Variants in HMGCLL1 observed in about 807,000 individuals in gnomAD.
HMGCLL1 encodes the protein 3-hydroxy-3-methylglutaryl-CoA lyase like 1, also known as 3-hydroxymethyl-3-methylglutaryl-CoA lyase, cytoplasmic.
In HMGCLL1, 36 loss-of-function variants were observed where a neutral mutation model predicts 39.1. The ratio of observed to expected loss-of-function variants is 0.92; its 90% confidence interval spans 0.71 to 1.22. The LOEUF is 1.22. Ranked by LOEUF, HMGCLL1 falls within the 50% of genes most tolerant of loss-of-function variation. The pLI is 0.00. For synonymous variants in HMGCLL1, 149 were observed against 144.0 expected (o/e 1.03, Z -0.25); for missense variants, 451 against 416.5 (o/e 1.08, Z -0.72).
chr6:55,507,006 G>A (rs1351647566), intron 5 of HMGCLL1, among the ~76,000 whole-genome samples: 2 of 151,752 alleles, frequency 1.3e-5, no homozygotes, highest in South Asian at 4.2e-4. Flanking sequence ...TAGTTAAGAT[G>A]GGAAAGACAT....
At chr6:55,465,153 T>C (rs977812330) in intron 7 of HMGCLL1, among the ~76,000 whole-genome samples, 1 of 152,184 alleles carries the variant, frequency 6.6e-6, no homozygotes, top group Non-Finnish European at 1.5e-5. Flanking sequence ...TTTAAACACA[T>C]ACCTGGTTTC....
the HMGCLL1 span, among the ~76,000 whole-genome samples, chr6:55,657,089 C>T: frequency 6.8e-3 from 1,030 of 151,948 alleles, 12 homozygotes; most frequent in African/African-American, 0.024. Flanking sequence ...CTTACAGATG[C>T]TGGATATTAT....
At chr6:55,629,006 G>A in the HMGCLL1 span, among the ~76,000 whole-genome samples, 1 of 152,166 alleles carries the variant, frequency 6.6e-6, no homozygotes, top group South Asian at 2.1e-4. Flanking sequence ...ACAGTAAATT[G>A]GTATCAGTAT....
upstream of HMGCLL1, among the ~76,000 whole-genome samples, chr6:55,583,740 T>C (rs540892245): frequency 6.6e-6 from 1 of 152,284 alleles, no homozygotes; most frequent in South Asian, 2.1e-4. Flanking sequence ...TCATGGGTTA[T>C]TGAAATATTC....
At chr6:55,485,862 C>T (rs1221593604) in intron 7 of HMGCLL1, among the ~76,000 whole-genome samples, 2 of 151,676 alleles carry the variant, frequency 1.3e-5, no homozygotes, top group African/African-American at 2.4e-5. Flanking sequence ...AATAGCCTCT[C>T]TAAAAACCCT....
intron 7 of HMGCLL1, among the ~76,000 whole-genome samples, chr6:55,477,466 T>C (rs1471121917): frequency 2.8e-5 from 2 of 70,254 alleles, no homozygotes; most frequent in African/African-American, 1.0e-4. Flanking sequence ...ACATATAATA[T>C]ATAATATATA....
the HMGCLL1 span, among the ~76,000 whole-genome samples, chr6:55,596,624 G>T: frequency 2.0e-5 from 3 of 152,160 alleles, no homozygotes; most frequent in Admixed American, 6.5e-5. Flanking sequence ...ATATGGAAGT[G>T]GTTAGATAAT....
chr6:55,595,690 T>C, the HMGCLL1 span, among the ~76,000 whole-genome samples: 1 of 152,110 alleles, frequency 6.6e-6, no homozygotes, highest in Non-Finnish European at 1.5e-5. Flanking sequence ...ACTAAGAACC[T>C]ATGAAGAAAA....
At chr6:55,633,936 A>T in the HMGCLL1 span, among the ~76,000 whole-genome samples, 3 of 152,122 alleles carry the variant, frequency 2.0e-5, no homozygotes, top group South Asian at 2.1e-4. Flanking sequence ...ATAAATTTGC[A>T]AATATAAACG....
intron 1 of HMGCLL1, among the ~76,000 whole-genome samples, chr6:55,543,580 A>G (rs1487200019): frequency 1.0e-5 from 1 of 99,492 alleles, no homozygotes; most frequent in Non-Finnish European, 2.0e-5. Context: ...ATATATTTAT[A>G]TATTTATATA....
rs1385021727 is a variant in HMGCLL1, at chr6:55,543,335, CAT to C, written c.109-1197_109-1196del. ...ATAATATATAATATATATTATATAT[CAT>C]ATATGATATATAATATGATATATTA... On this transcript the variant is annotated intron_variant, in intron 1 of 8. Transcript: ENST00000274901. Among the ~76,000 whole-genome samples, 7 of 6,258 alleles carry C rather than the reference CAT, an allele frequency of 1.1e-3. 2 individuals carry two copies. Among genetic ancestry groups the C allele is most frequent in the African/African-American group, 2.9e-3 (6 of 2,096 alleles). The allele number at this position is 6,258 out of a possible 152,430, so 4.1% of individuals were successfully genotyped here.
At chr6:55,537,495 T>C (rs1428694227) in intron 3 of HMGCLL1, among the ~76,000 whole-genome samples, 1 of 152,182 alleles carries the variant, frequency 6.6e-6, no homozygotes, top group Non-Finnish European at 1.5e-5. Context: ...GAATAAAGGC[T>C]AGTTATCAGA....
intron 5 of HMGCLL1, chr6:55,512,816 C>T (rs1561927858): frequency 1.3e-5 from 2 of 152,060 alleles, no homozygotes. Context: ...CCAAATCCAT[C>T]CCCAGCTTTC....
the HMGCLL1 span, among the ~76,000 whole-genome samples, chr6:55,670,153 G>A: frequency 4.0e-5 from 6 of 151,786 alleles, no homozygotes; most frequent in South Asian, 8.3e-4. Flanking sequence ...AATGACTATG[G>A]AGTTCTTATT....
chr6:55,527,832 A>C (rs1768405303), intron 3 of HMGCLL1, among the ~76,000 whole-genome samples: 1 of 152,068 alleles, frequency 6.6e-6, no homozygotes. Context: ...AAATATCAAC[A>C]AGATAGTCAA....
chr6:55,441,320 C>CTA (rs1763590122), intron 7 of HMGCLL1, among the ~76,000 whole-genome samples: 1 of 151,996 alleles, frequency 6.6e-6, no homozygotes, highest in Non-Finnish European at 1.5e-5. Flanking sequence ...TGGATATTGA[C>CTA]TATAGGGGTT....
intron 7 of HMGCLL1, among the ~76,000 whole-genome samples, chr6:55,455,970 T>C (rs561728337): frequency 6.6e-6 from 1 of 152,308 alleles, no homozygotes; most frequent in South Asian, 2.1e-4. Context: ...TATTAAGGGC[T>C]TTTGCTATTA....
chr6:55,456,285 AT>A (rs1764317943), intron 7 of HMGCLL1, among the ~76,000 whole-genome samples: 1 of 152,226 alleles, frequency 6.6e-6, no homozygotes, highest in Admixed American at 6.5e-5. Flanking sequence ...ACTGTAACAT[AT>A]TTTATGCTTC....
the HMGCLL1 span, among the ~76,000 whole-genome samples, chr6:55,650,211 G>T: frequency 6.9e-6 from 1 of 144,488 alleles, no homozygotes; most frequent in African/African-American, 2.5e-5. Flanking sequence ...TTGAGGTCAC[G>T]TTTCCCTGGA....
Sources: allele counts gnomAD v4.1 joint callset (sites outside exome capture counted in the v4.1 genomes callset), GRCh38; gene constraint gnomAD v4.1.1; transcripts MANE v1.5; gene names NCBI Gene and HGNC (gene_info 2026-07-23, HGNC 2026-07-21).